Variants in ADCY8 observed in about 807,000 individuals in gnomAD.
ADCY8 encodes adenylate cyclase 8, also known as adenylate cyclase type 8.
ADCY8 carries 51 observed loss-of-function variants against 119.7 expected under a neutral mutation model. That is an observed-to-expected ratio of 0.43 (90% CI 0.34 to 0.54). The LOEUF is 0.54. Ranked by LOEUF, ADCY8 falls within the 20% of genes least tolerant of loss-of-function variation. The pLI is 0.03. For synonymous variants in ADCY8, 665 were observed against 651.0 expected (o/e 1.02, Z -0.33); for missense variants, 1,383 against 1,598.8 (o/e 0.87, Z 2.30).
intron 7 of ADCY8, among the ~76,000 whole-genome samples, chr8:130,902,634 G>A (rs993794752): frequency 1.3e-5 from 2 of 152,296 alleles, no homozygotes; most frequent in East Asian, 3.9e-4. Flanking sequence ...AAAGAGGGGA[G>A]ACTTTCAGCA....
At chr8:130,809,237 C>T (rs752364306) in intron 14 of ADCY8, among the ~76,000 whole-genome samples, 9 of 152,166 alleles carry the variant, frequency 5.9e-5, no homozygotes, top group Admixed American at 3.9e-4. Flanking sequence ...TTTGGTGTTA[C>T]GCATACCTGG....
intron 9 of ADCY8, among the ~76,000 whole-genome samples, chr8:130,854,829 CCCTCCCTCCCTT>C (rs1563694481): frequency 8.3e-6 from 1 of 120,598 alleles, no homozygotes; most frequent in East Asian, 2.8e-4. Flanking sequence ...CTCCCTCCCT[CCCTCCCTCCCTT>C]CCTTCCCTCC....
At chr8:130,789,389 G>A (rs545612182) in intron 15 of ADCY8, among the ~76,000 whole-genome samples, 9 of 152,194 alleles carry the variant, frequency 5.9e-5, no homozygotes, top group East Asian at 1.9e-4. Context: ...GTCTGTCATC[G>A]TCACTTTATA....
At chr8:130,971,935 A>G (rs1821935098) in intron 2 of ADCY8, among the ~76,000 whole-genome samples, 1 of 152,242 alleles carries the variant, frequency 6.6e-6, no homozygotes, top group African/African-American at 2.4e-5. Context: ...ACTGGGGGCT[A>G]CTGAAGGATC....
chr8:130,965,836 C>T (rs1302123680), intron 2 of ADCY8, among the ~76,000 whole-genome samples: 2 of 151,926 alleles, frequency 1.3e-5, no homozygotes, highest in East Asian at 3.9e-4. Flanking sequence ...TTTTAGTTTG[C>T]TTTTTCAATT....
rs770876118 is a variant in ADCY8, at chr8:130,849,638, G to A, written c.2376C>T (p.Ser792=). The change falls in exon 10 of 18, where the codon TCC becomes TCT. Residue 792 remains serine, a synonymous_variant. Transcript: ENST00000286355. The part of the protein sequence containing the change: ...YLARNVIIFA[S]ILINFLGAIL... ...TGGCACCCAGGAAATTAATCAAAATGGATGCAAAGATGATGACGTTCCGGG... is the reference window on the plus strand; with the variant it reads ...TGGCACCCAGGAAATTAATCAAAATAGATGCAAAGATGATGACGTTCCGGG... The A allele has an allele frequency of 1.0e-4, 164 of 1,613,878 alleles. No individual in the cohort carries two copies. Among genetic ancestry groups the A allele is most frequent in the Non-Finnish European group, 1.3e-4 (151 of 1,179,910 alleles).
At chr8:130,878,188 G>A (rs971370671) in intron 8 of ADCY8, among the ~76,000 whole-genome samples, 1 of 152,202 alleles carries the variant, frequency 6.6e-6, no homozygotes, top group Non-Finnish European at 1.5e-5. Flanking sequence ...TCAGAATCCA[G>A]TCTATGTTCT....
chr8:130,846,311 AC>A, intron 11 of ADCY8, among the ~76,000 whole-genome samples: 1 of 152,152 alleles, frequency 6.6e-6, no homozygotes, highest in East Asian at 1.9e-4. Flanking sequence ...TGAATAACAG[AC>A]CCCATAGGCT....
chr8:130,811,299 C>T (rs1358000143), intron 14 of ADCY8, among the ~76,000 whole-genome samples: 1 of 152,166 alleles, frequency 6.6e-6, no homozygotes, highest in Non-Finnish European at 1.5e-5. Context: ...ATCATTCTCT[C>T]CTAGCTCTGC....
chr8:130,904,338 G>A (rs913552435), intron 6 of ADCY8, among the ~76,000 whole-genome samples: 1 of 149,760 alleles, frequency 6.7e-6, no homozygotes, highest in Non-Finnish European at 1.5e-5. Context: ...TTGTCAGCCT[G>A]ATCCCAGCAA....
chr8:130,842,512 T>C (rs1211460831), intron 11 of ADCY8, among the ~76,000 whole-genome samples: 3 of 152,170 alleles, frequency 2.0e-5, no homozygotes, highest in Non-Finnish European at 2.9e-5. Context: ...TATATTGCTA[T>C]GTTATCAGTT....
At chr8:130,785,535 T>G in intron 15 of ADCY8, 60 bp from the exon 16 acceptor site, 13 of 1,336,250 alleles carry the variant, frequency 9.7e-6, no homozygotes, top group Non-Finnish European at 1.3e-5. Context: ...CAGCCTGGGC[T>G]CCTGAAAACA....
At chr8:131,013,193 A>G (rs1471766952) in intron 1 of ADCY8, among the ~76,000 whole-genome samples, 1 of 152,172 alleles carries the variant, frequency 6.6e-6, no homozygotes, top group African/African-American at 2.4e-5. Flanking sequence ...CCCCTTCCCA[A>G]TGGGACATCC....
At chr8:131,038,469 T>A (rs1824235917) in intron 1 of ADCY8, among the ~76,000 whole-genome samples, 1 of 152,190 alleles carries the variant, frequency 6.6e-6, no homozygotes, top group African/African-American at 2.4e-5. Context: ...TGCCATTAAT[T>A]AGCTATTGGT....
intron 3 of ADCY8, among the ~76,000 whole-genome samples, chr8:130,950,978 G>A (rs113876856): frequency 1.3e-3 from 195 of 152,286 alleles, no homozygotes; most frequent in African/African-American, 4.3e-3. Context: ...GATTACAGGC[G>A]CGAGCGACCG....
At chr8:130,922,478 TA>T (rs1254521205) in intron 5 of ADCY8, among the ~76,000 whole-genome samples, 11 of 152,178 alleles carry the variant, frequency 7.2e-5, no homozygotes, top group Admixed American at 2.0e-4. Context: ...TTAATCTGTT[TA>T]ACCCTGAGTG....
At chr8:130,881,698 G>A (rs1818778219) in intron 8 of ADCY8, among the ~76,000 whole-genome samples, 1 of 152,032 alleles carries the variant, frequency 6.6e-6, no homozygotes, top group South Asian at 2.1e-4. Flanking sequence ...TCCTTAAAAT[G>A]TACACCTTGA....
At chr8:130,990,657 G>T in intron 1 of ADCY8, 115 bp from the exon 2 acceptor site, 1 of 1,317,848 alleles carries the variant, frequency 7.6e-7, no homozygotes. Context: ...TAATCCATAT[G>T]TTTAATCGCA....
chr8:130,945,983 C>G (rs1246215529), intron 3 of ADCY8, among the ~76,000 whole-genome samples: 5 of 152,204 alleles, frequency 3.3e-5, no homozygotes, highest in African/African-American at 1.2e-4. Flanking sequence ...CTGGCTCTGG[C>G]ATCCATCCTC....
Sources: allele counts gnomAD v4.1 joint callset (sites outside exome capture counted in the v4.1 genomes callset), GRCh38; gene constraint gnomAD v4.1.1; transcripts MANE v1.5; gene names NCBI Gene and HGNC (gene_info 2026-07-23, HGNC 2026-07-21).